The following WWOX variants were observed in gnomAD, a reference collection of about 807,000 sequenced individuals.
WWOX encodes the protein WW domain containing oxidoreductase, also known as WW domain-containing oxidoreductase.
WWOX carries 69 observed loss-of-function variants against 46.2 expected under a neutral mutation model. The ratio of observed to expected loss-of-function variants is 1.49; its 90% CI spans 1.23 to 1.82. The LOEUF (loss-of-function observed/expected upper bound fraction) is 1.82. Ranked by LOEUF, WWOX falls within the 40% of genes most tolerant of loss-of-function variation. The pLI is 0.00. For synonymous variants in WWOX, 359 were observed against 202.6 expected (o/e 1.77, Z -6.56); for missense variants, 919 against 542.6 (o/e 1.69, Z -6.89).
chr16:78,689,685 C>G (rs1333933133), intron 8 of WWOX, among the ~76,000 whole-genome samples: 4 of 152,290 alleles, frequency 2.6e-5, no homozygotes, highest in Middle Eastern at 3.4e-3. Context: ...CACTGACCCT[C>G]CCACTCCCCT....
intron 8 of WWOX, among the ~76,000 whole-genome samples, chr16:78,770,001 A>C (rs1033284068): frequency 1.3e-5 from 2 of 152,046 alleles, no homozygotes; most frequent in African/African-American, 4.8e-5. Flanking sequence ...CTATGATCTC[A>C]CCTCTGTACT....
At chr16:78,926,989 T>A (rs2045513349) in intron 8 of WWOX, among the ~76,000 whole-genome samples, 1 of 152,012 alleles carries the variant, frequency 6.6e-6, no homozygotes, top group Admixed American at 6.6e-5. Flanking sequence ...AGAGATGGGG[T>A]TTTGGCATGT....
At chr16:78,333,132 C>G (rs1025084870) in intron 5 of WWOX, among the ~76,000 whole-genome samples, 2 of 138,030 alleles carry the variant, frequency 1.4e-5, no homozygotes, top group African/African-American at 5.4e-5. Flanking sequence ...CACACTGCAA[C>G]CTTCGCCTCC....
At chr16:78,207,636 A>C (rs973975523) in intron 5 of WWOX, among the ~76,000 whole-genome samples, 1 of 151,792 alleles carries the variant, frequency 6.6e-6, no homozygotes, top group Non-Finnish European at 1.5e-5. Context: ...TTGAAGATAC[A>C]ATAGATGTAG....
chr16:78,266,621 C>CT (rs1567467950), intron 5 of WWOX, among the ~76,000 whole-genome samples: 1 of 152,028 alleles, frequency 6.6e-6, no homozygotes, highest in African/African-American at 2.4e-5. Flanking sequence ...TGTAGGTGAG[C>CT]TTTTTTATTT....
chr16:78,881,088 C>T (rs573687934), intron 8 of WWOX, among the ~76,000 whole-genome samples: 2 of 148,942 alleles, frequency 1.3e-5, no homozygotes, highest in South Asian at 2.1e-4. Flanking sequence ...GCCTCCTGGG[C>T]GCAAGTGATC....
intron 8 of WWOX, among the ~76,000 whole-genome samples, chr16:78,605,576 C>T (rs2045736556): frequency 6.6e-6 from 1 of 152,098 alleles, no homozygotes; most frequent in East Asian, 1.9e-4. Flanking sequence ...AAAAATCAAC[C>T]AATGCCTGCC....
intron 8 of WWOX, among the ~76,000 whole-genome samples, chr16:78,665,331 C>T (rs1411231426): frequency 1.3e-5 from 2 of 152,150 alleles, no homozygotes; most frequent in Admixed American, 6.5e-5. Context: ...ATTGTGGATT[C>T]AGTAGGGATA....
At chr16:78,371,121 C>T (rs999120961) in intron 5 of WWOX, among the ~76,000 whole-genome samples, 4 of 151,784 alleles carry the variant, frequency 2.6e-5, no homozygotes, top group African/African-American at 9.7e-5. Flanking sequence ...CTTTGACATA[C>T]CTAGGTAATT....
At chr16:79,156,713 A>G (rs939355715) in intron 8 of WWOX, among the ~76,000 whole-genome samples, 3 of 151,748 alleles carry the variant, frequency 2.0e-5, no homozygotes, top group African/African-American at 7.3e-5. Context: ...CAGGATTTCA[A>G]ATTTAAGAGG....
intron 8 of WWOX, among the ~76,000 whole-genome samples, chr16:78,537,146 A>G (rs935580024): frequency 2.6e-5 from 4 of 151,826 alleles, no homozygotes; most frequent in African/African-American, 7.3e-5. Context: ...TGAACACCTG[A>G]CCTCAGGTGA....
At chr16:78,644,726 G>T (rs1383674617) in intron 8 of WWOX, among the ~76,000 whole-genome samples, 1 of 152,186 alleles carries the variant, frequency 6.6e-6, no homozygotes, top group Non-Finnish European at 1.5e-5. Context: ...GCCTCCCAAA[G>T]TGCTGGGATT....
chr16:78,367,630 G>T (rs2081569135), intron 5 of WWOX, among the ~76,000 whole-genome samples: 1 of 152,114 alleles, frequency 6.6e-6, no homozygotes, highest in Non-Finnish European at 1.5e-5. Flanking sequence ...GTAATCTCCT[G>T]GGCTCAGGGA....
At chr16:78,979,136 G>C (rs571658727) in intron 8 of WWOX, among the ~76,000 whole-genome samples, 1 of 143,284 alleles carries the variant, frequency 7.0e-6, no homozygotes, top group Non-Finnish European at 1.5e-5. Flanking sequence ...TTTTCCTCTC[G>C]AATATCACTT....
At chr16:78,721,017 A>T (rs57247247) in intron 8 of WWOX, among the ~76,000 whole-genome samples, 2 of 151,994 alleles carry the variant, frequency 1.3e-5, no homozygotes, top group South Asian at 4.2e-4. Flanking sequence ...TGAATTTACT[A>T]TTGCCAACTC....
chr16:79,067,381 C>G (rs2048461042), intron 8 of WWOX, among the ~76,000 whole-genome samples: 1 of 152,198 alleles, frequency 6.6e-6, no homozygotes, highest in Non-Finnish European at 1.5e-5. Context: ...CTTTCTCTCT[C>G]TCTGCTTCAG....
At chr16:79,023,227 G>A (rs949980624) in intron 8 of WWOX, among the ~76,000 whole-genome samples, 2 of 152,182 alleles carry the variant, frequency 1.3e-5, no homozygotes, top group Non-Finnish European at 1.5e-5. Flanking sequence ...CTTGTTGGAA[G>A]GCTGTCAAGC....
At chr16:78,546,194 C>T (rs895523889) in intron 8 of WWOX, among the ~76,000 whole-genome samples, 1 of 152,138 alleles carries the variant, frequency 6.6e-6, no homozygotes, top group African/African-American at 2.4e-5. Flanking sequence ...GTTACTAATA[C>T]AGCTTAGAAC....
rs953347322 is a variant in WWOX at position 78,517,162 on chromosome 16, T to C, written c.1056+84410T>C. ...AGAATACTAAAATCTTACAGTGCAT[T>C]TTATAGGAGTGTGAATGATTTTTCT... On this transcript the variant is annotated intron_variant, in intron 8 of 8. Transcript: ENST00000566780. Among the ~76,000 whole-genome samples, 115 of 152,268 alleles carry C rather than the reference T, an allele frequency of 7.6e-4. 1 individual carries two copies. The highest frequency in any genetic ancestry group is 2.4e-3 in the African/African-American group (98 of 41,556).
Sources: allele counts gnomAD v4.1 joint callset (sites outside exome capture counted in the v4.1 genomes callset), GRCh38; gene constraint gnomAD v4.1.1; transcripts MANE v1.5; gene names NCBI Gene and HGNC (gene_info 2026-07-23, HGNC 2026-07-21).